Variants in VAV2 observed in about 807,000 individuals in gnomAD.
The protein encoded by VAV2 is vav guanine nucleotide exchange factor 2, also known as guanine nucleotide exchange factor VAV2.
In VAV2, 67 loss-of-function variants were observed where a neutral mutation model predicts 132.5. That is an observed-to-expected ratio of 0.51 (90% CI 0.42 to 0.62). The LOEUF is 0.62. Ranked by LOEUF, VAV2 falls within the 20% of genes least tolerant of loss-of-function variation. VAV2 has a pLI of 0.00. For synonymous variants in VAV2, 492 were observed against 443.5 expected (o/e 1.11, Z -1.37); for missense variants, 938 against 1,153.6 (o/e 0.81, Z 2.71).
chr9:133,939,200 A>G lies in VAV2; in HGVS notation c.224T>C (p.Ile75Thr), dbSNP rs201449931. 2 of 1,614,262 alleles carry G rather than the reference A, an allele frequency of 1.2e-6. No homozygotes were observed. The highest frequency in any genetic ancestry group is 2.2e-5 in the East Asian group (1 of 44,884). ...GTGGCAGACTTTCAGGAAGGTGCGT[A>G]TGTTCTTCAAACACAGAAACTAAAG... The part of the protein sequence containing the change: ...QMSQFLCLKN[I>T]RTFLKVCHDK... The change falls in exon 2 of 30, where the codon ATA (isoleucine) becomes ACA (threonine). Residue 75 changes from isoleucine to threonine, a missense_variant. Coordinates refer to ENST00000371850, the MANE Select transcript of VAV2 (RefSeq NM_001134398.2).
chr9:133,771,917 T>C (rs1833639643), intron 26 of VAV2, 42 bp downstream of exon 26: 2 of 1,578,036 alleles, frequency 1.3e-6, no homozygotes, highest in African/African-American at 1.3e-5. Flanking sequence ...ACCTGTCCCC[T>C]GTGGCTGGGG....
intron 1 of VAV2, among the ~76,000 whole-genome samples, chr9:133,972,393 G>C (rs942260430): frequency 4.6e-5 from 7 of 152,216 alleles, no homozygotes; most frequent in Admixed American, 3.3e-4. Context: ...GGGCAGGGGT[G>C]GGGGAGGCTC....
intron 1 of VAV2, among the ~76,000 whole-genome samples, chr9:133,944,819 T>C (rs1171603733): frequency 6.6e-6 from 1 of 152,212 alleles, no homozygotes; most frequent in East Asian, 1.9e-4. Context: ...AGGAGGAGCG[T>C]GGGGCCGGGC....
chr9:133,812,909 G>A (rs1835413182), intron 4 of VAV2, among the ~76,000 whole-genome samples: 2 of 152,178 alleles, frequency 1.3e-5, no homozygotes, highest in African/African-American at 4.8e-5. Flanking sequence ...TCTGTGATCT[G>A]GACTCTTGCA....
intron 1 of VAV2, among the ~76,000 whole-genome samples, chr9:133,966,217 T>G (rs1000417611): frequency 1.3e-5 from 2 of 152,154 alleles, no homozygotes; most frequent in African/African-American, 2.4e-5. Flanking sequence ...CGGACATTGG[T>G]CTGGGCAAAG....
chr9:133,903,858 T>C (rs778928490), intron 2 of VAV2, among the ~76,000 whole-genome samples: 1 of 152,114 alleles, frequency 6.6e-6, no homozygotes, highest in Non-Finnish European at 1.5e-5. Flanking sequence ...ACCCTGAGCT[T>C]GAAAGCCAGG....
At chr9:133,791,707 T>C in intron 13 of VAV2, 76 bp downstream of exon 13, 1 of 1,323,882 alleles carries the variant, frequency 7.6e-7, no homozygotes, top group Non-Finnish European at 1.1e-6. Flanking sequence ...GCTCACTCAA[T>C]ACTGGGGCTG....
chr9:133,959,299 A>AC (rs1453214608), intron 1 of VAV2, among the ~76,000 whole-genome samples: 1 of 152,098 alleles, frequency 6.6e-6, no homozygotes, highest in Non-Finnish European at 1.5e-5. Context: ...GCTGGGAGGC[A>AC]CAGACCCAGG....
At chr9:133,908,907 G>C (rs1302344926) in intron 2 of VAV2, among the ~76,000 whole-genome samples, 1 of 152,246 alleles carries the variant, frequency 6.6e-6, no homozygotes. Context: ...GCCATTGTGG[G>C]CCCAGTGGGC....
At chr9:133,831,978 G>A (rs940226610) in intron 4 of VAV2, among the ~76,000 whole-genome samples, 1 of 152,148 alleles carries the variant, frequency 6.6e-6, no homozygotes, top group African/African-American at 2.4e-5. Context: ...TGAGGGTGGG[G>A]GATTTGAGGG....
At chr9:133,805,830 G>A (rs1349336915) in intron 9 of VAV2, among the ~76,000 whole-genome samples, 2 of 152,216 alleles carry the variant, frequency 1.3e-5, no homozygotes, top group Non-Finnish European at 1.5e-5. Context: ...CTCACAGCCA[G>A]TTAGAAACAT....
At chr9:133,964,069 A>G (rs554760546) in intron 1 of VAV2, among the ~76,000 whole-genome samples, 4 of 126,232 alleles carry the variant, frequency 3.2e-5, no homozygotes, top group Admixed American at 1.5e-4. Flanking sequence ...ACATATATAT[A>G]AATGAATAGG....
chr9:133,902,231 G>A lies in VAV2; in HGVS notation c.321+36872C>T, dbSNP rs149700032. On this transcript the variant is annotated intron_variant, in intron 2 of 29. Coordinates refer to ENST00000371850, the MANE Select transcript of VAV2 (RefSeq NM_001134398.2). ...ATAGGAACGGGCATCTGCGTCGGAC[G>A]TGTGAGGACCACGCAGGACAATCCA... is the stretch of plus-strand genomic sequence containing the variant. Among the ~76,000 whole-genome samples, 1,263 of 152,320 alleles carry A rather than the reference G, an allele frequency of 8.3e-3. 25 individuals are homozygous for A. The highest frequency in any genetic ancestry group is 0.029 in the African/African-American group (1,206 of 41,554).
At chr9:133,868,013 T>G (rs1273704163) in intron 2 of VAV2, among the ~76,000 whole-genome samples, 1 of 152,214 alleles carries the variant, frequency 6.6e-6, no homozygotes, top group East Asian at 1.9e-4. Flanking sequence ...AGGCCCCAAG[T>G]GCACCTCGGA....
intron 25 of VAV2, among the ~76,000 whole-genome samples, chr9:133,773,636 T>C (rs762302306): frequency 7.4e-6 from 1 of 135,474 alleles, no homozygotes; most frequent in Non-Finnish European, 1.6e-5. Context: ...TTCTATAAGC[T>C]TTCCTGTTTT....
chr9:133,820,117 T>C (rs1835726840), intron 4 of VAV2, among the ~76,000 whole-genome samples: 2 of 152,266 alleles, frequency 1.3e-5, no homozygotes, highest in African/African-American at 4.8e-5. Flanking sequence ...GGAGACTGAC[T>C]AGGCAGCAGC....
intron 1 of VAV2, among the ~76,000 whole-genome samples, chr9:133,943,642 G>A (rs1664578140): frequency 6.6e-6 from 1 of 152,166 alleles, no homozygotes; most frequent in Non-Finnish European, 1.5e-5. Context: ...CCCCAGGCTG[G>A]CGGCTATGGG....
intron 2 of VAV2, among the ~76,000 whole-genome samples, chr9:133,907,042 G>A (rs190949014): frequency 1.6e-4 from 25 of 152,298 alleles, no homozygotes; most frequent in African/African-American, 4.8e-4. Flanking sequence ...CTGGCTGGCC[G>A]GCGGCGGGGG....
chr9:133,893,393 C>T (rs929079084), intron 2 of VAV2, among the ~76,000 whole-genome samples: 1 of 152,232 alleles, frequency 6.6e-6, no homozygotes, highest in African/African-American at 2.4e-5. Flanking sequence ...TCCTCGGTCC[C>T]ACAGTCGGGC....
Sources: gnomAD v4.1 joint callset for allele counts (sites outside exome capture counted in the v4.1 genomes callset) on GRCh38, gnomAD v4.1.1 for gene constraint, MANE v1.5 for transcripts, NCBI Gene and HGNC (gene_info 2026-07-23, HGNC 2026-07-21) for gene names.